Variants in MAGI2 observed in about 807,000 individuals in gnomAD.
MAGI2 encodes membrane-associated guanylate kinase, WW and PDZ domain-containing protein 2.
In MAGI2, 35 loss-of-function variants were observed where a neutral mutation model predicts 133.3. The observed-to-expected ratio is 0.26, with a 90% CI of 0.20 to 0.35. MAGI2 has a LOEUF of 0.35. Ranked by LOEUF, MAGI2 falls within the 10% of genes least tolerant of loss-of-function variation. MAGI2 has a pLI of 1.00. For missense variants in MAGI2, 1,636 were observed against 1,863.4 expected, an observed-to-expected ratio of 0.88 and a Z score of 2.25; for synonymous variants, 729 against 710.6, an observed-to-expected ratio of 1.03 and a Z score of -0.41.
intron 4 of MAGI2, among the ~76,000 whole-genome samples, chr7:78,505,639 G>T (rs554741355): frequency 1.3e-5 from 2 of 152,248 alleles, no homozygotes; most frequent in South Asian, 4.1e-4. Context: ...GCACTCAACT[G>T]GTGCCAGACA....
At chr7:79,385,298 TAAC>T (rs1342536442) in intron 1 of MAGI2, among the ~76,000 whole-genome samples, 7 of 151,928 alleles carry the variant, frequency 4.6e-5, no homozygotes, top group African/African-American at 1.7e-4. Flanking sequence ...GAGTACTATT[TAAC>T]AACATTAGTA....
intron 1 of MAGI2, among the ~76,000 whole-genome samples, chr7:79,408,800 T>C (rs1585873088): frequency 6.6e-6 from 1 of 152,222 alleles, no homozygotes; most frequent in South Asian, 2.1e-4. Context: ...AGGTTATTCA[T>C]ATAAGGGTTT....
At chr7:78,108,914 T>G (rs1447448269) in intron 20 of MAGI2, among the ~76,000 whole-genome samples, 1 of 151,978 alleles carries the variant, frequency 6.6e-6, no homozygotes, top group Non-Finnish European at 1.5e-5. Context: ...ATACATCGTG[T>G]GTGTCCTGGA....
intron 6 of MAGI2, among the ~76,000 whole-genome samples, chr7:78,383,565 C>T (rs1389191815): frequency 6.6e-6 from 1 of 152,034 alleles, no homozygotes; most frequent in East Asian, 1.9e-4. Flanking sequence ...TCTTTCCACT[C>T]TGCTGCTTGT....
chr7:78,747,670 T>C (rs573005109), intron 2 of MAGI2, among the ~76,000 whole-genome samples: 1 of 152,316 alleles, frequency 6.6e-6, no homozygotes, highest in East Asian at 1.9e-4. Flanking sequence ...AATCTCTCCC[T>C]GTCATACCAG....
chr7:78,340,810 A>AACCC, intron 9 of MAGI2, among the ~76,000 whole-genome samples: 1 of 152,284 alleles, frequency 6.6e-6, no homozygotes, highest in East Asian at 1.9e-4. Flanking sequence ...CATATCTCAA[A>AACCC]ATAATAAGAG....
At chr7:79,324,404 A>AAC (rs2129561952) in intron 1 of MAGI2, among the ~76,000 whole-genome samples, 1 of 144,592 alleles carries the variant, frequency 6.9e-6, no homozygotes, top group East Asian at 2.0e-4. Flanking sequence ...ATATATATAC[A>AAC]CACAACGTAT....
At chr7:79,116,042 C>A (rs1819387523) in intron 1 of MAGI2, among the ~76,000 whole-genome samples, 1 of 151,910 alleles carries the variant, frequency 6.6e-6, no homozygotes, top group Non-Finnish European at 1.5e-5. Flanking sequence ...GCGAGGCAGA[C>A]AAGAGGTTGA....
intron 6 of MAGI2, among the ~76,000 whole-genome samples, chr7:78,474,589 C>A (rs1791555554): frequency 6.6e-6 from 1 of 151,904 alleles, no homozygotes. Flanking sequence ...AAACCTCAAA[C>A]AAGCTTCCAA....
chr7:78,828,116 C>T (rs1275251899), intron 2 of MAGI2, among the ~76,000 whole-genome samples: 1 of 152,170 alleles, frequency 6.6e-6, no homozygotes, highest in African/African-American at 2.4e-5. Flanking sequence ...AACTTCTGAC[C>T]TCAAGTGATC....
intron 1 of MAGI2, among the ~76,000 whole-genome samples, chr7:79,251,879 G>C (rs1266870815): frequency 2.0e-5 from 3 of 152,012 alleles, no homozygotes; most frequent in African/African-American, 7.2e-5. Flanking sequence ...AAAAAAAAGT[G>C]GACATGGTGG....
At chr7:78,844,180 C>G (rs868321990) in intron 2 of MAGI2, among the ~76,000 whole-genome samples, 6 of 151,406 alleles carry the variant, frequency 4.0e-5, no homozygotes, top group Non-Finnish European at 8.9e-5. Context: ...AGAGCAATAG[C>G]TTCCCTAATG....
intron 1 of MAGI2, among the ~76,000 whole-genome samples, chr7:79,127,320 T>C (rs1421657808): frequency 2.0e-5 from 3 of 152,134 alleles, no homozygotes; most frequent in Non-Finnish European, 4.4e-5. Flanking sequence ...TACCCAGTAA[T>C]GGGATGGCTG....
At position 78,356,434 on chromosome 7, in the gene MAGI2, C is replaced by G. The variant is rs1210109163; in HGVS notation, c.1104-10391G>C. Among the ~76,000 whole-genome samples, 5 of 152,172 alleles carry G rather than the reference C, an allele frequency of 3.3e-5. No individual in the cohort carries two copies. In the East Asian group the frequency reaches 7.7e-4, roughly 24 times the overall value. Reference sequence around the variant, plus strand: ...ACCACTGTAGTATGACTATAATTTACAATAATATGTAGTCTCAAACAGCTA... The same window carrying G: ...ACCACTGTAGTATGACTATAATTTAGAATAATATGTAGTCTCAAACAGCTA... On this transcript the variant is annotated intron_variant, in intron 7 of 21. Coordinates refer to ENST00000354212, the MANE Select transcript of MAGI2 (RefSeq NM_012301.4).
chr7:78,545,738 T>C (rs934915422), intron 3 of MAGI2, among the ~76,000 whole-genome samples: 13 of 152,216 alleles, frequency 8.5e-5, no homozygotes, highest in African/African-American at 3.1e-4. Context: ...TGAGTTTGTG[T>C]AGAACATATT....
At chr7:78,548,758 T>C (rs372414944) in intron 3 of MAGI2, among the ~76,000 whole-genome samples, 132 of 152,342 alleles carry the variant, frequency 8.7e-4, no homozygotes, top group African/African-American at 3.0e-3. Flanking sequence ...TAAAATGTAA[T>C]GTTGAACACA....
At chr7:78,803,349 T>A (rs1788242268) in intron 2 of MAGI2, among the ~76,000 whole-genome samples, 1 of 152,236 alleles carries the variant, frequency 6.6e-6, no homozygotes, top group Admixed American at 6.5e-5. Context: ...AATACTTTGA[T>A]GTTGTATGAA....
chr7:78,354,791 G>A (rs1023413911), intron 7 of MAGI2, among the ~76,000 whole-genome samples: 2 of 152,154 alleles, frequency 1.3e-5, no homozygotes, highest in Non-Finnish European at 2.9e-5. Flanking sequence ...TACTTTTGAC[G>A]AGTTTTAGGG....
chr7:79,391,534 T>TAC (rs1293845284), intron 1 of MAGI2, among the ~76,000 whole-genome samples: 1 of 43,626 alleles, frequency 2.3e-5, no homozygotes, highest in Non-Finnish European at 3.6e-5. Flanking sequence ...TATATATATA[T>TAC]ATAGACATAT....
Sources: allele counts gnomAD v4.1 joint callset (sites outside exome capture counted in the v4.1 genomes callset), GRCh38; gene constraint gnomAD v4.1.1; transcripts MANE v1.5; gene names NCBI Gene and HGNC (gene_info 2026-07-23, HGNC 2026-07-21).